Variants in DNAH7 observed in about 807,000 individuals in gnomAD.
DNAH7 encodes the protein dynein axonemal heavy chain 7.
DNAH7 carries 397 observed loss-of-function variants against 444.6 expected under a neutral mutation model. The ratio of observed to expected loss-of-function variants is 0.89; its 90% CI spans 0.82 to 0.97. The LOEUF (loss-of-function observed/expected upper bound fraction) is 0.97. Ranked by LOEUF, DNAH7 falls within the 50% of genes least tolerant of loss-of-function variation. The pLI is 0.00. For missense variants in DNAH7, 4,902 were observed against 4,800.8 expected (o/e 1.02, Z -0.62); for synonymous variants, 1,636 against 1,624.4 (o/e 1.01, Z -0.17).
At chr2:195,850,652 G>A (rs1699307023) in intron 46 of DNAH7, among the ~76,000 whole-genome samples, 1 of 152,150 alleles carries the variant, frequency 6.6e-6, no homozygotes, top group African/African-American at 2.4e-5. Context: ...GCTATTTATT[G>A]AGGGCCCTTG....
chr2:195,959,286 T>C (rs1056490938), intron 18 of DNAH7, among the ~76,000 whole-genome samples: 13 of 152,178 alleles, frequency 8.5e-5, no homozygotes, highest in Non-Finnish European at 8.8e-5. Context: ...TTAACCTCTT[T>C]GCACAAGAAG....
chr2:195,897,663 T>A lies in DNAH7; in HGVS notation c.4647+4A>T. ...TGATGCATTGGGATAATGAATGTTC[T>A]TACCTCAAAGAGTGGTAAATCATGG... On this transcript the variant is annotated splice_donor_region_variant and intron_variant, in intron 29 of 64. Transcript: ENST00000312428. 1 of 1,541,746 alleles carries A rather than the reference T, an allele frequency of 6.5e-7. No homozygotes were observed. Among genetic ancestry groups the A allele is most frequent in the Non-Finnish European group, 8.9e-7 (1 of 1,122,142 alleles).
At chr2:195,991,694 T>C (rs1693351010) in intron 12 of DNAH7, among the ~76,000 whole-genome samples, 1 of 152,224 alleles carries the variant, frequency 6.6e-6, no homozygotes, top group African/African-American at 2.4e-5. Context: ...TTTATTCATT[T>C]TATTTTCTAA....
intron 21 of DNAH7, among the ~76,000 whole-genome samples, chr2:195,928,678 C>A (rs1385891867): frequency 1.3e-5 from 2 of 151,810 alleles, no homozygotes; most frequent in Admixed American, 6.6e-5. Context: ...GAAAATCAGA[C>A]CTATCCAAAA....
intron 64 of DNAH7, 59 bp from the exon 65 acceptor site, chr2:195,738,186 T>G: frequency 2.1e-6 from 3 of 1,459,204 alleles, no homozygotes; most frequent in Non-Finnish European, 1.9e-6. Flanking sequence ...TGTACATGTG[T>G]TTGAGCCTAC....
intron 18 of DNAH7, among the ~76,000 whole-genome samples, 159 bp downstream of exon 18, chr2:195,960,101 T>C (rs1261497001): frequency 6.6e-6 from 1 of 152,186 alleles, no homozygotes; most frequent in Non-Finnish European, 1.5e-5. Flanking sequence ...AAATATTTAG[T>C]ATGAAATGCT....
intron 55 of DNAH7, among the ~76,000 whole-genome samples, chr2:195,797,701 A>G (rs1452623812): frequency 1.3e-5 from 2 of 152,190 alleles, no homozygotes; most frequent in Admixed American, 1.3e-4. Flanking sequence ...GCCTCCTTCT[A>G]TTCTGCACCA....
At chr2:195,948,335 CT>C (rs1689967745) in intron 19 of DNAH7, among the ~76,000 whole-genome samples, 1 of 152,146 alleles carries the variant, frequency 6.6e-6, no homozygotes, top group African/African-American at 2.4e-5. Flanking sequence ...GTTGCCATTG[CT>C]TTTGGTGTTT....
At chr2:195,913,404 C>T (rs115209356) in intron 24 of DNAH7, among the ~76,000 whole-genome samples, 2,581 of 152,114 alleles carry the variant, frequency 0.017, 66 homozygotes, top group African/African-American at 0.058. Context: ...TCATATCCCA[C>T]GTTATATCCG....
rs151111707 is a variant in DNAH7, at chr2:195,980,870, A to G, written c.1833+3762T>C. On this transcript the variant is annotated intron_variant, in intron 15 of 64. Coordinates refer to ENST00000312428, the MANE Select transcript of DNAH7 (RefSeq NM_018897.3). ...AGGAGGACACAATAAAAACCACAGGACAGACTCACAGCTAGTATCATACTG... is the reference window on the plus strand; with the variant it reads ...AGGAGGACACAATAAAAACCACAGGGCAGACTCACAGCTAGTATCATACTG... Among the ~76,000 whole-genome samples, 325 of 152,188 alleles carry G rather than the reference A, an allele frequency of 2.1e-3. 3 individuals are homozygous for G. The highest frequency in any genetic ancestry group is 0.012 in the Admixed American group (189 of 15,282).
chr2:195,753,754 GT>G (rs752862028), intron 63 of DNAH7, among the ~76,000 whole-genome samples: 39 of 152,278 alleles, frequency 2.6e-4, no homozygotes, highest in Non-Finnish European at 4.3e-4. Flanking sequence ...GCCATAAAGT[GT>G]AGACAATCAT....
intron 10 of DNAH7, among the ~76,000 whole-genome samples, chr2:196,012,092 ATCTT>A (rs888125638): frequency 1.2e-4 from 18 of 152,182 alleles, no homozygotes; most frequent in East Asian, 1.9e-4. Flanking sequence ...TTATGAAGAT[ATCTT>A]TCTAAGTAAC....
chr2:196,047,686 T>G (rs1054112542), intron 4 of DNAH7, among the ~76,000 whole-genome samples, 187 bp from the exon 5 acceptor site: 2 of 151,794 alleles, frequency 1.3e-5, no homozygotes, highest in African/African-American at 4.8e-5. Context: ...TCATCATAAC[T>G]AGAAACATCT....
intron 61 of DNAH7, among the ~76,000 whole-genome samples, chr2:195,766,285 T>A (rs939858864): frequency 4.0e-5 from 6 of 149,134 alleles, no homozygotes; most frequent in Non-Finnish European, 7.4e-5. Context: ...GCGATCCGCC[T>A]GCCTCAGCCT....
intron 57 of DNAH7, among the ~76,000 whole-genome samples, chr2:195,793,253 A>G (rs1159874767): frequency 1.3e-5 from 2 of 152,110 alleles, no homozygotes; most frequent in African/African-American, 4.8e-5. Context: ...CTATTTTTAT[A>G]CTCGCATTTT....
rs151338075 is a variant in DNAH7, at chr2:195,751,676, G to A, written c.11764+2661C>T. On this transcript the variant is annotated intron_variant, in intron 63 of 64. Coordinates refer to ENST00000312428, the MANE Select transcript of DNAH7 (RefSeq NM_018897.3). ...TCCCAAAGAGAAAAGAACATGAGCC[G>A]TTCTAGAAACTGTCAGGAGGTTAGC... Among the ~76,000 whole-genome samples the A allele has an allele frequency of 3.8e-3, 572 of 152,278 alleles. 5 individuals carry two copies. The highest frequency in any genetic ancestry group is 0.013 in the African/African-American group (521 of 41,562).
chr2:195,801,574 A>AT (rs1177665476), intron 54 of DNAH7, among the ~76,000 whole-genome samples: 1 of 152,198 alleles, frequency 6.6e-6, no homozygotes, highest in African/African-American at 2.4e-5. Context: ...TTGTGTGTAT[A>AT]TACAACACAC....
At chr2:195,904,037 C>T (rs1287293790) in intron 27 of DNAH7, 2 of 152,228 alleles carry the variant, frequency 1.3e-5, no homozygotes, top group African/African-American at 4.8e-5. Flanking sequence ...TGCTGCCCTA[C>T]ATACCTTCTG....
chr2:196,030,051 T>C (rs1252759747), intron 5 of DNAH7, among the ~76,000 whole-genome samples: 1 of 151,912 alleles, frequency 6.6e-6, no homozygotes, highest in Non-Finnish European at 1.5e-5. Flanking sequence ...AAAAGAAGAG[T>C]ATATTAGTCC....
Sources: gnomAD v4.1 joint callset for allele counts (sites outside exome capture counted in the v4.1 genomes callset) on GRCh38, gnomAD v4.1.1 for gene constraint, MANE v1.5 for transcripts, NCBI Gene and HGNC (gene_info 2026-07-23, HGNC 2026-07-21) for gene names.